The following TNFSF8 variants were observed in gnomAD, a reference collection of about 807,000 sequenced individuals.
TNFSF8 encodes tumor necrosis factor ligand superfamily member 8.
In TNFSF8, 4 loss-of-function variants were observed where a neutral mutation model predicts 22.0. That is an observed-to-expected ratio of 0.18 (90% CI 0.09 to 0.42). The LOEUF is 0.42. Among genes scored for constraint, TNFSF8 ranks in the 10% least tolerant of loss-of-function variants. The pLI, the probability that TNFSF8 is intolerant of heterozygous loss-of-function variation, is 1.00. For synonymous variants in TNFSF8, 106 were observed against 112.5 expected (o/e 0.94, Z 0.37); for missense variants, 233 against 281.8 (o/e 0.83, Z 1.24).
rs1180229522 is a variant in TNFSF8, at chr9:114,901,367, AC to A, written c.*2563del. On this transcript the variant is annotated 3_prime_UTR_variant, in exon 4 of 4. Transcript: ENST00000223795. ...GTTACATTATTCATTTAAATGATGT[AC>A]CCCTTGTGTCTTTAGGTGTTGGCTT... The A allele has an allele frequency of 3.0e-6, 3 of 985,360 alleles. No individual in the cohort carries two copies. The highest frequency in any genetic ancestry group is 3.6e-6 in the Non-Finnish European group (3 of 829,902). The allele number at this position is 985,360 out of a possible 1,614,324, so 61.0% of individuals were successfully genotyped here.
intron 1 of TNFSF8, among the ~76,000 whole-genome samples, chr9:114,927,017 A>G (rs1206054627): frequency 7.4e-6 from 1 of 136,024 alleles, no homozygotes; most frequent in East Asian, 2.0e-4. Context: ...TTTATAATAT[A>G]TTTATAACAT....
intron 1 of TNFSF8, among the ~76,000 whole-genome samples, chr9:114,920,580 T>C (rs1827974837): frequency 6.6e-6 from 1 of 152,254 alleles, no homozygotes; most frequent in Non-Finnish European, 1.5e-5. Context: ...AAGGTAGTGC[T>C]GTTAGAACTT....
At position 114,930,160 on chromosome 9, in the gene TNFSF8, C is replaced by T; in HGVS notation, c.144G>A (p.Leu48=). 1 of 1,593,410 alleles carries T rather than the reference C, an allele frequency of 6.3e-7. No homozygotes were observed. ...TAGTGGCCACCGTGAAGACAAGGCACAGAGCCAGAGTGGCTGTGGTCAAAT... is the reference window on the plus strand; with the variant it reads ...TAGTGGCCACCGTGAAGACAAGGCATAGAGCCAGAGTGGCTGTGGTCAAAT... ...YFYLTTATLA[L]CLVFTVATIM... is the part of the protein sequence containing the mutation. The change falls in exon 1 of 4, where the codon CTG becomes CTA. Residue 48 remains leucine (L), a synonymous_variant. Coordinates refer to ENST00000223795, the MANE Select transcript of TNFSF8 (RefSeq NM_001244.4).
chr9:114,917,167 G>A (rs1004041978), intron 2 of TNFSF8, among the ~76,000 whole-genome samples: 6 of 152,150 alleles, frequency 3.9e-5, no homozygotes, highest in African/African-American at 1.4e-4. Context: ...GTGTCCTCTG[G>A]TCTCAAGGAC....
chr9:114,905,795 A>G (rs1197280356), intron 3 of TNFSF8, 33 bp downstream of exon 3: 6 of 1,560,676 alleles, frequency 3.8e-6, no homozygotes, highest in Non-Finnish European at 5.3e-6. Flanking sequence ...AGCGGTTTTC[A>G]TATGTTTAGG....
At chr9:114,920,350 C>G (rs1827972413) in intron 1 of TNFSF8, among the ~76,000 whole-genome samples, 1 of 152,198 alleles carries the variant, frequency 6.6e-6, no homozygotes, top group African/African-American at 2.4e-5. Flanking sequence ...GCCATCATTG[C>G]AGAGGCTGCT....
At chr9:114,906,202 G>A (rs1289278260) in intron 2 of TNFSF8, among the ~76,000 whole-genome samples, 3 of 152,098 alleles carry the variant, frequency 2.0e-5, no homozygotes, top group East Asian at 1.9e-4. Context: ...GGCACTATAC[G>A]TATTTCATCT....
At chr9:114,925,694 T>C (rs1828048365) in intron 1 of TNFSF8, among the ~76,000 whole-genome samples, 2 of 152,142 alleles carry the variant, frequency 1.3e-5, no homozygotes, top group Admixed American at 6.5e-5. Context: ...AGTATTATTA[T>C]TATTATTTTT....
chr9:114,923,766 C>A (rs1009595700), intron 1 of TNFSF8, among the ~76,000 whole-genome samples: 3 of 152,134 alleles, frequency 2.0e-5, no homozygotes, highest in Non-Finnish European at 2.9e-5. Flanking sequence ...GATCCACACA[C>A]CTTTGCCTCC....
At chr9:114,893,848 GA>G in exon 5 of TNFSF8, 1 of 492,380 alleles carries the variant, frequency 2.0e-6, no homozygotes. Context: ...TTGGCACTTT[GA>G]GTAGGGGGTG....
At chr9:114,911,182 T>G (rs1827848053) in intron 2 of TNFSF8, among the ~76,000 whole-genome samples, 1 of 152,250 alleles carries the variant, frequency 6.6e-6, no homozygotes, top group Non-Finnish European at 1.5e-5. Context: ...TGACATTATT[T>G]GATGGACGGG....
At chr9:114,895,252 C>T (rs576145770) in intron 4 of TNFSF8, among the ~76,000 whole-genome samples, 4 of 152,274 alleles carry the variant, frequency 2.6e-5, no homozygotes, top group African/African-American at 9.6e-5. Context: ...GATTTGGGTG[C>T]TGGGATTTGG....
At chr9:114,908,937 A>C (rs2131343116) in intron 2 of TNFSF8, among the ~76,000 whole-genome samples, 1 of 152,242 alleles carries the variant, frequency 6.6e-6, no homozygotes, top group South Asian at 2.1e-4. Flanking sequence ...GGGCCCAAGC[A>C]CTAAACCTCC....
At position 114,904,351 on chromosome 9, in the gene TNFSF8, A is replaced by T. The variant is rs41278687; in HGVS notation, c.311-26T>A. 8.9e-4 allele frequency: 1,397 copies of T among 1,563,070 alleles called. 3 individuals carry two copies. Among genetic ancestry groups the T allele is most frequent in the Admixed American group, 1.6e-3 (84 of 51,146 alleles). ...CTAGAAAGAGAAGTATAGAAAACAG[A>T]ATTATTGAGAAGATTGTAGGTACGC... On this transcript the variant is annotated intron_variant, in intron 3 of 3. Transcript: ENST00000223795.
intron 1 of TNFSF8, among the ~76,000 whole-genome samples, chr9:114,925,234 C>A (rs889524633): frequency 5.9e-5 from 9 of 152,146 alleles, no homozygotes; most frequent in African/African-American, 2.2e-4. Flanking sequence ...ATATACCGTC[C>A]AGTGGTGGTG....
chr9:114,909,541 A>G (rs1816334402), intron 2 of TNFSF8, among the ~76,000 whole-genome samples: 1 of 152,216 alleles, frequency 6.6e-6, no homozygotes, highest in South Asian at 2.1e-4. Flanking sequence ...CAAAAACTGC[A>G]ATTACTTCTG....
chr9:114,897,264 G>GC (rs1483403386), downstream of TNFSF8, among the ~76,000 whole-genome samples: 10 of 149,462 alleles, frequency 6.7e-5, no homozygotes, highest in Non-Finnish European at 1.2e-4. Flanking sequence ...GAAAAGAACT[G>GC]TTTTTTTTTT....
intron 2 of TNFSF8, among the ~76,000 whole-genome samples, chr9:114,909,729 C>T (rs1034896947): frequency 1.3e-5 from 2 of 152,170 alleles, no homozygotes; most frequent in Non-Finnish European, 1.5e-5. Context: ...TCTTTATGGG[C>T]ATGTTGCATT....
chr9:114,929,715 C>A (rs1828111460), intron 1 of TNFSF8, among the ~76,000 whole-genome samples: 1 of 151,834 alleles, frequency 6.6e-6, no homozygotes, highest in South Asian at 2.1e-4. Context: ...GTCTCTGGCT[C>A]ATTAAGATTT....
Sources: allele counts gnomAD v4.1 joint callset (sites outside exome capture counted in the v4.1 genomes callset), GRCh38; gene constraint gnomAD v4.1.1; transcripts MANE v1.5; gene names NCBI Gene and HGNC (gene_info 2026-07-23, HGNC 2026-07-21).